The following LRRC9 variants were observed in gnomAD, a reference collection of about 807,000 sequenced individuals.
LRRC9 encodes the protein leucine rich repeat containing 9, also known as leucine-rich repeat-containing protein 9.
Under a neutral mutation model 63.2 loss-of-function variants are expected in LRRC9, and 122 were observed. The observed-to-expected ratio is 1.93, with a 90% CI of 1.67 to 2.24. The LOEUF is 2.24. Among genes scored for constraint, LRRC9 ranks in the 30% most tolerant of loss-of-function variants. The probability of loss-of-function intolerance (pLI) is 0.00; values close to 1 mark genes in which losing one functional copy is unlikely to be tolerated. For missense variants in LRRC9, 1,071 were observed against 627.7 expected (o/e 1.71, Z -7.55); for synonymous variants, 366 against 213.1 (o/e 1.72, Z -6.25).
chr14:60,041,429 C>G (rs568943211), intron 29 of LRRC9, among the ~76,000 whole-genome samples: 1 of 152,256 alleles, frequency 6.6e-6, no homozygotes, highest in Non-Finnish European at 1.5e-5. Flanking sequence ...TTCACATAGT[C>G]CCATATTTTT....
intron 8 of LRRC9, among the ~76,000 whole-genome samples, chr14:59,959,008 CT>C (rs1884091907): frequency 6.6e-6 from 1 of 152,218 alleles, no homozygotes; most frequent in South Asian, 2.1e-4. Context: ...CACCCACCTT[CT>C]GCATTGGTCT....
chr14:59,936,576 C>T lies in LRRC9; in HGVS notation c.544-1814C>T, dbSNP rs905962604. On this transcript the variant is annotated intron_variant, in intron 6 of 31. Coordinates refer to ENST00000445360, the Ensembl canonical transcript of LRRC9. This position sits in a 1 kb window ranked among gnomAD's most constrained non-coding sequence, Gnocchi z 4.2. ...GTAGGACTTCAGAGTTTATACCCACCATCTGCTAGCTCAGACTAATGGTCA... is the reference window on the plus strand; with the variant it reads ...GTAGGACTTCAGAGTTTATACCCACTATCTGCTAGCTCAGACTAATGGTCA... 2.6e-5 allele frequency among the ~76,000 whole-genome samples: 4 copies of T among 152,116 alleles called. No homozygotes were observed. Among genetic ancestry groups the T allele is most frequent in the Non-Finnish European group, 5.9e-5 (4 of 68,024 alleles).
rs1888859221 is a variant in LRRC9, at chr14:59,922,343, A to G, written c.-34+2460A>G. Among the ~76,000 whole-genome samples the G allele has an allele frequency of 1.3e-5, 2 of 152,152 alleles. No individual in the cohort carries two copies. Among genetic ancestry groups the G allele is most frequent in the Admixed American group, 1.3e-4 (2 of 15,286 alleles). ...GTGTTCTCAGTCCAGATGGCAGTGAATCCAGGACTGAAAGCAGGTAGTGAT... is the reference window on the plus strand; with the variant it reads ...GTGTTCTCAGTCCAGATGGCAGTGAGTCCAGGACTGAAAGCAGGTAGTGAT... On this transcript the variant is annotated intron_variant, in intron 1 of 31. Transcript: ENST00000445360. The surrounding 1 kb of genome is among the most constrained non-coding windows in gnomAD (Gnocchi z 5.3).
intron 6 of LRRC9, among the ~76,000 whole-genome samples, chr14:59,937,282 G>C (rs1594820029): frequency 7.0e-6 from 1 of 143,394 alleles, no homozygotes; most frequent in Admixed American, 7.0e-5. Flanking sequence ...ATTCTTCTTT[G>C]TTTTTTTTGA....
At chr14:59,976,083 G>A (rs192573315) in intron 13 of LRRC9, among the ~76,000 whole-genome samples, 2 of 152,212 alleles carry the variant, frequency 1.3e-5, no homozygotes, top group African/African-American at 4.8e-5. Flanking sequence ...TGGGTTGTGC[G>A]CTCCTTATGA....
intron 17 of LRRC9, among the ~76,000 whole-genome samples, chr14:59,995,155 T>A (rs1263648838): frequency 6.6e-6 from 1 of 152,130 alleles, no homozygotes; most frequent in African/African-American, 2.4e-5. Context: ...CATCATATAG[T>A]TGTATGGAAT....
chr14:59,971,609 C>T (rs1885514650), intron 12 of LRRC9, among the ~76,000 whole-genome samples: 2 of 151,816 alleles, frequency 1.3e-5, no homozygotes, highest in Admixed American at 1.3e-4. Context: ...ATTTTAAAAC[C>T]AGGCTTTAAT....
intron 8 of LRRC9, among the ~76,000 whole-genome samples, chr14:59,956,107 T>C (rs1285647989): frequency 6.6e-6 from 1 of 152,160 alleles, no homozygotes; most frequent in Non-Finnish European, 1.5e-5. Context: ...GAGAAGAATA[T>C]ATATTCTTGA....
intron 1 of LRRC9, among the ~76,000 whole-genome samples, chr14:59,920,999 A>G (rs1013381578): frequency 6.6e-6 from 1 of 152,232 alleles, no homozygotes; most frequent in African/African-American, 2.4e-5. Context: ...TGCTATACAA[A>G]GAGTATGTGC....
intron 29 of LRRC9, among the ~76,000 whole-genome samples, chr14:60,033,274 T>G (rs1462252600): frequency 6.6e-6 from 1 of 152,136 alleles, no homozygotes; most frequent in Non-Finnish European, 1.5e-5. Flanking sequence ...TGACTATCAT[T>G]TCTTTCCAAT....
chr14:59,999,005 T>C (rs1415517193), intron 18 of LRRC9, 96 bp from the exon 19 acceptor site: 19 of 515,088 alleles, frequency 3.7e-5, no homozygotes, highest in Non-Finnish European at 6.9e-6. Flanking sequence ...AGGAAATGTA[T>C]GATTTTGAAT....
At chr14:60,008,311 A>G (rs1889980599) in intron 23 of LRRC9, 97 bp downstream of exon 23, 1 of 542,088 alleles carries the variant, frequency 1.8e-6, no homozygotes, top group African/African-American at 1.9e-5. Context: ...CACTAGCATT[A>G]TAGCCAAATT....
chr14:59,941,181 A>G (rs577419664), intron 7 of LRRC9, among the ~76,000 whole-genome samples: 1 of 152,080 alleles, frequency 6.6e-6, no homozygotes, highest in Admixed American at 6.5e-5. Flanking sequence ...ATGAAGATAT[A>G]GGTACATACT....
chr14:59,976,060 C>A (rs1439604627), intron 13 of LRRC9, among the ~76,000 whole-genome samples: 1 of 152,266 alleles, frequency 6.6e-6, no homozygotes, highest in Non-Finnish European at 1.5e-5. Flanking sequence ...GTGAACCGCA[C>A]ATGCGAGGGA....
chr14:60,050,383 T>C (rs1019896754), intron 29 of LRRC9, among the ~76,000 whole-genome samples: 1 of 152,220 alleles, frequency 6.6e-6, no homozygotes, highest in African/African-American at 2.4e-5. Context: ...GATTGCATTG[T>C]AAAGTTCTCA....
At chr14:60,026,662 T>C (rs2140309807) in intron 27 of LRRC9, among the ~76,000 whole-genome samples, 1 of 152,178 alleles carries the variant, frequency 6.6e-6, no homozygotes, top group East Asian at 1.9e-4. Flanking sequence ...TCCATTTTGA[T>C]TTTATTTTTG....
At chr14:59,999,078 ATT>A in intron 18 of LRRC9, 21 bp from the exon 19 acceptor site, 2 of 590,624 alleles carry the variant, frequency 3.4e-6, no homozygotes, top group South Asian at 4.1e-5. Context: ...TTTATAAAAA[ATT>A]TTTTTTTTGT....
chr14:59,995,690 T>G (rs1161929165), intron 17 of LRRC9, among the ~76,000 whole-genome samples: 1 of 151,856 alleles, frequency 6.6e-6, no homozygotes, highest in African/African-American at 2.4e-5. Flanking sequence ...GAAATAAAGA[T>G]TCCCCCCCTG....
rs958017113 is a variant in LRRC9, at chr14:59,963,398, T to C, written c.1211+2353T>C. Among the ~76,000 whole-genome samples the C allele has an allele frequency of 3.3e-5, 5 of 152,130 alleles. No homozygotes were observed. The East Asian group carries it at 9.6e-4, about 29-fold the overall frequency. On this transcript the variant is annotated intron_variant, in intron 10 of 31. Transcript: ENST00000445360. Reference sequence around the variant, plus strand: ...ATTTACCGATGTGTTGCCAATTGAGTTACCCATTGACATCATACAACATTT... The same window carrying C: ...ATTTACCGATGTGTTGCCAATTGAGCTACCCATTGACATCATACAACATTT...
Sources: gnomAD v4.1 joint callset for allele counts (sites outside exome capture counted in the v4.1 genomes callset) on GRCh38, gnomAD v4.1.1 for gene constraint, Gnocchi (gnomAD v3.1) non-coding constraint, MANE v1.5 for transcripts, NCBI Gene and HGNC (gene_info 2026-07-23, HGNC 2026-07-21) for gene names.